The following MAF variants were observed in gnomAD, a reference collection of about 807,000 sequenced individuals.
MAF encodes the protein transcription factor Maf.
Under a neutral mutation model 22.0 loss-of-function variants are expected in MAF, and 10 were observed. The ratio of observed to expected loss-of-function variants is 0.45; its 90% CI spans 0.28 to 0.77. The LOEUF is 0.77. Among genes scored for constraint, MAF ranks in the 30% least tolerant of loss-of-function variants. The pLI is 0.12. For missense variants in MAF, 544 were observed against 548.4 expected, an observed-to-expected ratio of 0.99 and a Z score of 0.08; for synonymous variants, 337 against 255.8, an observed-to-expected ratio of 1.32 and a Z score of -3.03.
At chr16:79,325,794 G>C in the MAF span, among the ~76,000 whole-genome samples, 19 of 152,316 alleles carry the variant, frequency 1.2e-4, no homozygotes, top group African/African-American at 3.6e-4. Flanking sequence ...AAAGGAATGA[G>C]CTTAAACCAG....
the MAF span, among the ~76,000 whole-genome samples, chr16:79,320,209 G>C: frequency 6.6e-6 from 1 of 152,320 alleles, no homozygotes; most frequent in African/African-American, 2.4e-5. Flanking sequence ...TTTTGTGACA[G>C]AGTGATCTTT....
At chr16:79,547,897 T>TGA in the MAF span, among the ~76,000 whole-genome samples, 7 of 43,286 alleles carry the variant, frequency 1.6e-4, no homozygotes, top group Admixed American at 8.9e-4. Flanking sequence ...TGTGTGTGTG[T>TGA]GTGTGAGAGA....
At chr16:79,256,028 C>G in the MAF span, among the ~76,000 whole-genome samples, 1 of 133,438 alleles carries the variant, frequency 7.5e-6, no homozygotes, top group Non-Finnish European at 1.5e-5. Context: ...TATTGCCAGG[C>G]TGGAGTGCTG....
chr16:79,500,316 T>C, the MAF span, among the ~76,000 whole-genome samples: 2 of 152,220 alleles, frequency 1.3e-5, no homozygotes, highest in African/African-American at 4.8e-5. Flanking sequence ...ACCAACATTC[T>C]TCATGGGATG....
the MAF span, among the ~76,000 whole-genome samples, chr16:79,479,227 C>T: frequency 6.6e-6 from 1 of 152,248 alleles, no homozygotes; most frequent in Non-Finnish European, 1.5e-5. Flanking sequence ...CACCCATGCA[C>T]AACCCCAGCC....
chr16:79,209,502 T>C, the MAF span, among the ~76,000 whole-genome samples: 4 of 152,154 alleles, frequency 2.6e-5, no homozygotes, highest in Admixed American at 2.0e-4. Flanking sequence ...AGTATAACCA[T>C]TGTGGCATAG....
the MAF span, among the ~76,000 whole-genome samples, chr16:79,409,014 A>G: frequency 2.0e-3 from 221 of 109,458 alleles, 1 homozygote; most frequent in African/African-American, 7.4e-3. Context: ...GTGTGTCCCC[A>G]CCTACCATAA....
chr16:79,596,907 T>C, intron 1 of MAF: 1 of 1,050,172 alleles, frequency 9.5e-7, no homozygotes, highest in East Asian at 5.5e-5. Flanking sequence ...TATTATATGC[T>C]TGCAGGTTAT....
At chr16:79,392,305 G>A in the MAF span, among the ~76,000 whole-genome samples, 2 of 147,658 alleles carry the variant, frequency 1.4e-5, no homozygotes, top group East Asian at 2.1e-4. Flanking sequence ...GAGAGTGAAG[G>A]AAGGAGAGAG....
chr16:79,544,951 G>A, the MAF span, among the ~76,000 whole-genome samples: 1 of 152,098 alleles, frequency 6.6e-6, no homozygotes, highest in Non-Finnish European at 1.5e-5. Flanking sequence ...TTTGGCCATT[G>A]CTAAGTTAAG....
chr16:79,468,273 T>G, the MAF span, among the ~76,000 whole-genome samples: 1 of 152,182 alleles, frequency 6.6e-6, no homozygotes, highest in Non-Finnish European at 1.5e-5. Flanking sequence ...GTCCAAGAAG[T>G]GCCTTCCCCT....
At chr16:79,566,665 C>A in the MAF span, among the ~76,000 whole-genome samples, 1 of 152,178 alleles carries the variant, frequency 6.6e-6, no homozygotes, top group Non-Finnish European at 1.5e-5. Flanking sequence ...GTCCCCCATC[C>A]CCCAGCCTGA....
the MAF span, among the ~76,000 whole-genome samples, chr16:79,454,966 C>G: frequency 6.6e-6 from 1 of 151,874 alleles, no homozygotes; most frequent in Non-Finnish European, 1.5e-5. Context: ...CATGGTGGCA[C>G]GTGCCTGTAA....
chr16:79,236,128 T>G, the MAF span, among the ~76,000 whole-genome samples: 14 of 152,036 alleles, frequency 9.2e-5, no homozygotes, highest in Non-Finnish European at 1.6e-4. Flanking sequence ...TAGAAGAATA[T>G]TTTACAATGC....
At chr16:79,431,062 ATTTTCTTT>A in the MAF span, among the ~76,000 whole-genome samples, 1 of 152,026 alleles carries the variant, frequency 6.6e-6, no homozygotes, top group Non-Finnish European at 1.5e-5. Flanking sequence ...CCTGCAGATC[ATTTTCTTT>A]GAATCAGAAC....
At chr16:79,476,417 A>T in the MAF span, among the ~76,000 whole-genome samples, 7 of 152,244 alleles carry the variant, frequency 4.6e-5, no homozygotes, top group African/African-American at 1.7e-4. Flanking sequence ...AATACTTTAC[A>T]TATGTTTAAA....
chr16:79,396,143 A>G, the MAF span, among the ~76,000 whole-genome samples: 1 of 152,210 alleles, frequency 6.6e-6, no homozygotes, highest in South Asian at 2.1e-4. Flanking sequence ...GGGCTGCTGC[A>G]TAAAGGGTGT....
chr16:79,491,580 C>A, the MAF span, among the ~76,000 whole-genome samples: 5 of 152,124 alleles, frequency 3.3e-5, no homozygotes, highest in African/African-American at 4.8e-5. Context: ...GTATCCCCTG[C>A]CTCCCGGTGG....
the MAF span, among the ~76,000 whole-genome samples, chr16:79,436,691 G>A: frequency 0.02 from 2,988 of 152,302 alleles, 100 homozygotes; most frequent in African/African-American, 0.067. Flanking sequence ...AGACCCTTGG[G>A]CTAACCTTTC....
Sources: allele counts gnomAD v4.1 joint callset (sites outside exome capture counted in the v4.1 genomes callset), GRCh38; gene constraint gnomAD v4.1.1; transcripts MANE v1.5; gene names NCBI Gene and HGNC (gene_info 2026-07-23, HGNC 2026-07-21).